GSR: variants seen among roughly 807,000 people sequenced by gnomAD.
GSR encodes glutathione-disulfide reductase.
In GSR, 48 loss-of-function variants were observed where a neutral mutation model predicts 56.5. That is an observed-to-expected ratio of 0.85 (90% confidence interval 0.67 to 1.08). GSR has a LOEUF of 1.08. Ranked by LOEUF, GSR falls within the 50% of genes least tolerant of loss-of-function variation. The pLI is 0.00. For missense variants in GSR, 694 were observed against 703.3 expected (o/e 0.99, Z 0.15); for synonymous variants, 264 against 270.8 (o/e 0.97, Z 0.25).
chr8:30,711,209 T>C (rs976560200), intron 2 of GSR, among the ~76,000 whole-genome samples: 1 of 152,170 alleles, frequency 6.6e-6, no homozygotes, highest in Non-Finnish European at 1.5e-5. Flanking sequence ...ACCAAAAAGA[T>C]GACAAGTTAA....
intron 9 of GSR, among the ~76,000 whole-genome samples, chr8:30,685,282 T>A (rs1803124717): frequency 6.6e-6 from 1 of 152,190 alleles, no homozygotes; most frequent in Middle Eastern, 3.4e-3. Flanking sequence ...TTTTATAGAA[T>A]AGGTCTTGCT....
Position 30,693,003 on chromosome 8 carries a change from T to A in GSR, c.848A>T (p.Glu283Val), listed in dbSNP as rs1803438858. The change falls in exon 8 of 13, where the codon GAG becomes GTG. Residue 283 changes from glutamate to valine, a missense_variant. Coordinates refer to ENST00000221130, the MANE Select transcript of GSR (RefSeq NM_000637.5). ...CTTCAGCACCTCCACGCCAGCGTTC[T>A]CCAGCTCCTCCGTGCAGTTGGTGCT... ...MISTNCTEELENAGVEVLKFS... is the reference protein window; with the variant it reads ...MISTNCTEELVNAGVEVLKFS... The A allele has an allele frequency of 6.2e-7, 1 of 1,612,972 alleles. No individual in the cohort carries two copies. The highest frequency in any genetic ancestry group is 1.1e-5 in the South Asian group (1 of 91,074).
At chr8:30,682,512 C>T (rs770816427) in intron 10 of GSR, among the ~76,000 whole-genome samples, 2 of 152,164 alleles carry the variant, frequency 1.3e-5, no homozygotes, top group African/African-American at 2.4e-5. Flanking sequence ...CGACTTGGGT[C>T]GCATCTGCAA....
intron 5 of GSR, among the ~76,000 whole-genome samples, chr8:30,702,118 G>A (rs1282870530): frequency 1.3e-5 from 2 of 151,940 alleles, no homozygotes; most frequent in South Asian, 2.1e-4. Context: ...GGGAGGCCGA[G>A]GTGGGCCCAT....
rs536800098 is a variant in GSR at position 30,689,293 on chromosome 8, C to T, written c.909G>A (p.Ser303=). 1.5e-5 allele frequency: 25 copies of T among 1,614,024 alleles called. No homozygotes were observed. Among genetic ancestry groups the T allele is most frequent in the Non-Finnish European group, 1.8e-5 (21 of 1,179,940 alleles). Residue 303 remains serine (S), a synonymous_variant, in exon 9 of 13, where the codon TCG becomes TCA. Transcript: ENST00000221130. ...SQVKEVKKTL[S]GLEVSMVTAV... is the part of the protein sequence containing the mutation. ...CAGTAACCATGCTGACTTCCAAGCC[C>T]GACAAAGTCTTTTTAACCTCCTTGA...
At chr8:30,690,112 A>C (rs1008437337) in intron 8 of GSR, among the ~76,000 whole-genome samples, 1 of 144,486 alleles carries the variant, frequency 6.9e-6, no homozygotes, top group Non-Finnish European at 1.5e-5. Flanking sequence ...ATATACATAT[A>C]TAAATCTATT....
At chr8:30,689,742 G>GTATA (rs1264884950) in intron 8 of GSR, among the ~76,000 whole-genome samples, 1 of 50,172 alleles carries the variant, frequency 2.0e-5, no homozygotes, top group African/African-American at 8.8e-5. Flanking sequence ...ATACGTGTGT[G>GTATA]TGTGTATATA....
chr8:30,695,075 A>T (rs1803501642), intron 7 of GSR, among the ~76,000 whole-genome samples: 1 of 151,964 alleles, frequency 6.6e-6, no homozygotes, highest in South Asian at 2.1e-4. Flanking sequence ...AAAAAAAAAA[A>T]AAATTTCAAG....
intron 9 of GSR, among the ~76,000 whole-genome samples, chr8:30,686,363 CTTT>C (rs374595294): frequency 1.9e-4 from 28 of 147,508 alleles, no homozygotes; most frequent in Admixed American, 1.8e-3. Flanking sequence ...GAGACTGAAC[CTTT>C]TTTTTTTGCC....
intron 8 of GSR, among the ~76,000 whole-genome samples, chr8:30,691,195 T>C (rs1411787707): frequency 2.6e-5 from 4 of 151,980 alleles, no homozygotes; most frequent in Non-Finnish European, 4.4e-5. Flanking sequence ...GAAACCCATC[T>C]GTACTAAAAC....
At chr8:30,725,506 G>A (rs1022762762) in intron 1 of GSR, among the ~76,000 whole-genome samples, 4 of 151,952 alleles carry the variant, frequency 2.6e-5, no homozygotes, top group Non-Finnish European at 5.9e-5. Flanking sequence ...GTTGCAGTGA[G>A]CCGAGATTGC....
At chr8:30,697,424 AAC>A (rs1803584278) in intron 6 of GSR, among the ~76,000 whole-genome samples, 1 of 120,688 alleles carries the variant, frequency 8.3e-6, no homozygotes, top group East Asian at 3.2e-4. Flanking sequence ...AAAAAAACAA[AAC>A]AAACAAACAA....
At chr8:30,711,934 T>G (rs1804157773) in intron 2 of GSR, 128 bp downstream of exon 2, 1 of 483,882 alleles carries the variant, frequency 2.1e-6, no homozygotes, top group African/African-American at 2.0e-5. Flanking sequence ...TAAGCTACTT[T>G]TAGTAGGGTC....
rs1238051306 is a variant in GSR at position 30,679,281 on chromosome 8, A to T, written c.*239T>A. On this transcript the variant is annotated 3_prime_UTR_variant, in exon 13 of 13. Coordinates refer to ENST00000221130, the MANE Select transcript of GSR (RefSeq NM_000637.5). ...AACTAGCACAGAGCTGTTAATAAAA[A>T]AAAAACTTGAAAATATTAATTACTG... The T allele has an allele frequency of 7.3e-6, 4 of 548,542 alleles. No homozygotes were observed. Among genetic ancestry groups the T allele is most frequent in the Non-Finnish European group, 1.3e-5 (4 of 310,666 alleles). The allele number at this position is 548,542 out of a possible 1,614,324, so 34.0% of individuals were successfully genotyped here.
chr8:30,701,576 G>C (rs1014774528), intron 5 of GSR, among the ~76,000 whole-genome samples: 17 of 151,666 alleles, frequency 1.1e-4, no homozygotes, highest in African/African-American at 3.9e-4. Flanking sequence ...GATCAACTGA[G>C]GTCAGGAGTT....
intron 9 of GSR, 52 bp from the exon 10 acceptor site, chr8:30,684,251 G>T: frequency 9.9e-7 from 1 of 1,005,056 alleles, no homozygotes; most frequent in Non-Finnish European, 1.6e-6. Flanking sequence ...TACTAAAAAA[G>T]GTAGATCAAA....
chr8:30,687,987 C>G (rs991769569), intron 9 of GSR, among the ~76,000 whole-genome samples: 6 of 152,162 alleles, frequency 3.9e-5, no homozygotes, highest in African/African-American at 7.2e-5. Context: ...AACTAAGGTT[C>G]AAATTTGGGT....
intron 4 of GSR, among the ~76,000 whole-genome samples, chr8:30,703,496 T>C (rs1273976175): frequency 6.6e-6 from 1 of 151,992 alleles, no homozygotes; most frequent in Non-Finnish European, 1.5e-5. Flanking sequence ...CCTGTAATCC[T>C]AGCACTTTGG....
rs1804568509 is a variant in GSR at position 30,722,330 on chromosome 8, C to T, written c.306+5200G>A. Among the ~76,000 whole-genome samples, 3 of 152,204 alleles carry T rather than the reference C, an allele frequency of 2.0e-5. 1 individual carries two copies. The highest frequency in any genetic ancestry group is 1.3e-4 in the Admixed American group (2 of 15,274). On this transcript the variant is annotated intron_variant, in intron 1 of 12. Coordinates refer to ENST00000221130, the MANE Select transcript of GSR (RefSeq NM_000637.5). ...TATGAAATTCTAAACCCAGGAGACA[C>T]ATTAGGGTAACCTTCTATTTCGGAG... is the stretch of plus-strand genomic sequence containing the variant.
Sources: gnomAD v4.1 joint callset for allele counts (sites outside exome capture counted in the v4.1 genomes callset) on GRCh38, gnomAD v4.1.1 for gene constraint, MANE v1.5 for transcripts, NCBI Gene and HGNC (gene_info 2026-07-23, HGNC 2026-07-21) for gene names.